Variants in CMAS observed in about 807,000 individuals in gnomAD.
CMAS encodes cytidine monophosphate N-acetylneuraminic acid synthetase.
In CMAS, 21 loss-of-function variants were observed where a neutral mutation model predicts 53.4. The ratio of observed to expected loss-of-function variants is 0.39; its 90% CI spans 0.28 to 0.57. CMAS has a LOEUF of 0.57. Ranked by LOEUF, CMAS falls within the 20% of genes least tolerant of loss-of-function variation. The pLI is 0.56. For synonymous variants in CMAS, 189 were observed against 195.2 expected (o/e 0.97, Z 0.27); for missense variants, 384 against 534.9 (o/e 0.72, Z 2.78).
intron 3 of CMAS, 77 bp downstream of exon 3, chr12:22,055,687 T>G: frequency 7.9e-7 from 1 of 1,261,530 alleles, no homozygotes; most frequent in Non-Finnish European, 1.1e-6. Flanking sequence ...CCTTTAGGCA[T>G]GAGGAGAGTA....
At chr12:22,064,441 A>G (rs1432700110) in intron 7 of CMAS, among the ~76,000 whole-genome samples, 1 of 152,146 alleles carries the variant, frequency 6.6e-6, no homozygotes, top group Non-Finnish European at 1.5e-5. Flanking sequence ...GATTATATAT[A>G]TATAAACAAA....
intron 3 of CMAS, among the ~76,000 whole-genome samples, chr12:22,057,410 A>G (rs886915253): frequency 6.6e-6 from 1 of 152,164 alleles, no homozygotes; most frequent in African/African-American, 2.4e-5. Flanking sequence ...TCATAAACAT[A>G]ATTTATTATT....
At chr12:22,050,311 A>G (rs1221282511) in intron 1 of CMAS, among the ~76,000 whole-genome samples, 1 of 152,214 alleles carries the variant, frequency 6.6e-6, no homozygotes, top group Non-Finnish European at 1.5e-5. Context: ...CTCTTCATCT[A>G]CAAAATGTAC....
intron 7 of CMAS, among the ~76,000 whole-genome samples, chr12:22,062,879 A>G (rs1950318061): frequency 1.3e-5 from 2 of 152,198 alleles, no homozygotes; most frequent in South Asian, 2.1e-4. Context: ...CCAAATTCCA[A>G]TTCCAGGAAA....
intron 7 of CMAS, among the ~76,000 whole-genome samples, chr12:22,063,398 A>C (rs1178765589): frequency 6.6e-6 from 1 of 152,172 alleles, no homozygotes; most frequent in Non-Finnish European, 1.5e-5. Flanking sequence ...ATTTTAGTGG[A>C]ATGTATAACA....
At chr12:22,056,069 G>A (rs1950266244) in intron 3 of CMAS, among the ~76,000 whole-genome samples, 1 of 152,124 alleles carries the variant, frequency 6.6e-6, no homozygotes, top group Non-Finnish European at 1.5e-5. Context: ...CATTTTGCCT[G>A]CCATGTCCAG....
chr12:22,053,526 T>C (rs143842632), intron 1 of CMAS, among the ~76,000 whole-genome samples: 2,543 of 147,890 alleles, frequency 0.017, 25 homozygotes, highest in Non-Finnish European at 0.024. Context: ...TATATATATA[T>C]ACACACACAT....
intron 5 of CMAS, 138 bp from the exon 6 acceptor site, chr12:22,061,143 T>C: frequency 1.4e-6 from 1 of 713,260 alleles, no homozygotes; most frequent in East Asian, 2.6e-5. Context: ...TATGTTAAAA[T>C]ATATATGTGA....
chr12:22,057,274 C>CACACAG (rs1252494937), intron 3 of CMAS, among the ~76,000 whole-genome samples: 3 of 147,454 alleles, frequency 2.0e-5, no homozygotes, highest in Non-Finnish European at 1.5e-5. Flanking sequence ...CACACACACA[C>CACACAG]AGATTTGAGG....
At chr12:22,060,763 TATA>T (rs1162759396) in intron 4 of CMAS, 66 bp from the exon 5 acceptor site, 7 of 864,310 alleles carry the variant, frequency 8.1e-6, no homozygotes, top group Admixed American at 1.7e-5. Context: ...TGTTCTGTAT[TATA>T]ATAAAGTTTT....
At chr12:22,060,035 G>A (rs917542939) in intron 4 of CMAS, among the ~76,000 whole-genome samples, 1 of 151,980 alleles carries the variant, frequency 6.6e-6, no homozygotes, top group Non-Finnish European at 1.5e-5. Context: ...AGAAAACTCT[G>A]TACAACAGAT....
chr12:22,059,124 CTT>C (rs1400913082), intron 4 of CMAS, among the ~76,000 whole-genome samples: 29 of 131,896 alleles, frequency 2.2e-4, no homozygotes, highest in South Asian at 7.4e-4. Context: ...AACCCGGAAT[CTT>C]TTTATATATA....
At chr12:22,057,698 G>C (rs935712522) in intron 3 of CMAS, among the ~76,000 whole-genome samples, 3 of 151,904 alleles carry the variant, frequency 2.0e-5, no homozygotes, top group Admixed American at 1.3e-4. Flanking sequence ...TCCTCCCAAA[G>C]CATAATATTT....
intron 1 of CMAS, among the ~76,000 whole-genome samples, chr12:22,054,296 A>G (rs1427126669): frequency 6.6e-6 from 1 of 152,192 alleles, no homozygotes; most frequent in Non-Finnish European, 1.5e-5. Context: ...TGTCCAGGAA[A>G]CAAAACTTCA....
chr12:22,053,651 G>A (rs1482170727), intron 1 of CMAS, among the ~76,000 whole-genome samples: 9 of 150,712 alleles, frequency 6.0e-5, no homozygotes, highest in South Asian at 2.1e-4. Context: ...AGGCCGAGAC[G>A]GGCGGATCAC....
chr12:22,065,158 G>A lies in CMAS; in HGVS notation c.1152G>A (p.Val384=). 6.2e-7 allele frequency: 1 copy of A among 1,613,768 alleles called. No individual in the cohort carries two copies. Among genetic ancestry groups the A allele is most frequent in the Non-Finnish European group, 8.5e-7 (1 of 1,179,738 alleles). ...CTGATGAAGAGTGCTTGAAGAGAGT[G>A]GGCCTAAGTGGCGCTCCTGCTGATG... The part of the protein sequence containing the change: ...EVSDEECLKR[V]GLSGAPADAC... Residue 384 remains valine, a synonymous_variant, in exon 8 of 8, where the codon GTG becomes GTA. Coordinates refer to ENST00000229329, the MANE Select transcript of CMAS (RefSeq NM_018686.6).
chr12:22,051,038 T>C (rs1368659573), intron 1 of CMAS, among the ~76,000 whole-genome samples: 2 of 152,164 alleles, frequency 1.3e-5, no homozygotes, highest in Admixed American at 6.5e-5. Context: ...GCTGTCTGAT[T>C]TGTGTTTTTC....
chr12:22,053,874 G>A (rs575233224), intron 1 of CMAS, among the ~76,000 whole-genome samples: 216 of 144,242 alleles, frequency 1.5e-3, no homozygotes, highest in Non-Finnish European at 2.6e-3. Flanking sequence ...GCGAGACTCC[G>A]TCTCAAAACA....
At chr12:22,053,028 T>C (rs1056425473) in intron 1 of CMAS, among the ~76,000 whole-genome samples, 14 of 152,150 alleles carry the variant, frequency 9.2e-5, no homozygotes, top group Non-Finnish European at 1.9e-4. Context: ...GCGTGGTGGC[T>C]TACACCTGTA....
Sources: gnomAD v4.1 joint callset for allele counts (sites outside exome capture counted in the v4.1 genomes callset) on GRCh38, gnomAD v4.1.1 for gene constraint, MANE v1.5 for transcripts, NCBI Gene and HGNC (gene_info 2026-07-23, HGNC 2026-07-21) for gene names.